The following RAD18 variants were observed in gnomAD, a reference collection of about 807,000 sequenced individuals.
RAD18 encodes E3 ubiquitin-protein ligase RAD18.
RAD18 carries 47 observed loss-of-function variants against 60.4 expected under a neutral mutation model. That is an observed-to-expected ratio of 0.78 (90% confidence interval 0.62 to 0.99). The LOEUF (loss-of-function observed/expected upper bound fraction) is 0.99. Ranked by LOEUF, RAD18 falls within the 50% of genes least tolerant of loss-of-function variation. The pLI, the probability that RAD18 is intolerant of heterozygous loss-of-function variation, is 0.00. For missense variants in RAD18, 640 were observed against 593.3 expected (o/e 1.08, Z -0.82); for synonymous variants, 225 against 195.5 (o/e 1.15, Z -1.26).
intron 12 of RAD18, among the ~76,000 whole-genome samples, chr3:8,889,210 A>T (rs1282793899): frequency 1.3e-5 from 2 of 152,220 alleles, no homozygotes; most frequent in East Asian, 3.9e-4. Flanking sequence ...GAAAGATAGT[A>T]GAGTTTAATG....
rs570335902 is a variant in RAD18, at chr3:8,926,433, TC to T, written c.889+9437del. On this transcript the variant is annotated intron_variant, in intron 7 of 12. Coordinates refer to ENST00000264926, the MANE Select transcript of RAD18 (RefSeq NM_020165.4). ...AGGATACAAACAAATGGAAGAACAT[TC>T]CATGCTTATGGGTAGGAAGAATCAA... Among the ~76,000 whole-genome samples the T allele has an allele frequency of 3.8e-3, 585 of 152,248 alleles. 5 individuals are homozygous for T. The highest frequency in any genetic ancestry group is 0.014 in the African/African-American group (567 of 41,524).
chr3:8,960,204 G>A (rs1390367961), intron 1 of RAD18, among the ~76,000 whole-genome samples: 1 of 152,188 alleles, frequency 6.6e-6, no homozygotes, highest in African/African-American at 2.4e-5. Flanking sequence ...CTACTCAGGA[G>A]GCTGAGGCGG....
At chr3:8,946,759 A>G (rs1410610098) in intron 4 of RAD18, among the ~76,000 whole-genome samples, 1 of 152,254 alleles carries the variant, frequency 6.6e-6, no homozygotes, top group African/African-American at 2.4e-5. Flanking sequence ...ATGTGTATAT[A>G]CATGAGTTAG....
chr3:8,948,830 T>C (rs568371435), intron 2 of RAD18, among the ~76,000 whole-genome samples: 1 of 152,166 alleles, frequency 6.6e-6, no homozygotes, highest in Non-Finnish European at 1.5e-5. Context: ...GTGTCCTCCA[T>C]CTGCAAAACA....
rs567248499 is a variant in RAD18 at position 8,915,606 on chromosome 3, C to G, written c.890-1886G>C. ...TTTCCTTTTTTTTTTTTTTTTGAGA[C>G]TGAGTCTCGCTCTGTCACCCAGGAC... On this transcript the variant is annotated intron_variant, in intron 7 of 12. Coordinates refer to ENST00000264926, the MANE Select transcript of RAD18 (RefSeq NM_020165.4). Among the ~76,000 whole-genome samples the G allele has an allele frequency of 6.3e-4, 90 of 143,740 alleles. 1 individual carries two copies. Among genetic ancestry groups the G allele is most frequent in the African/African-American group, 2.2e-3 (86 of 38,632 alleles). 94.3% of individuals were successfully genotyped at this position (143,740 alleles called of 152,430 possible).
intron 2 of RAD18, among the ~76,000 whole-genome samples, chr3:8,956,047 A>G (rs185862225): frequency 1.2e-3 from 187 of 152,374 alleles, no homozygotes; most frequent in Admixed American, 3.9e-3. Flanking sequence ...ACAATATACT[A>G]TAACAAAAGT....
chr3:8,959,643 C>T (rs1467770338), intron 1 of RAD18, among the ~76,000 whole-genome samples: 1 of 152,168 alleles, frequency 6.6e-6, no homozygotes, highest in Admixed American at 6.5e-5. Context: ...AAGTGGACAA[C>T]TTGGAAAGAG....
At chr3:8,933,199 A>G (rs1172727546) in intron 7 of RAD18, among the ~76,000 whole-genome samples, 1 of 152,206 alleles carries the variant, frequency 6.6e-6, no homozygotes, top group East Asian at 1.9e-4. Context: ...GACAGATACC[A>G]TATGTAAAAT....
At chr3:8,920,218 G>A (rs1182029738) in intron 7 of RAD18, among the ~76,000 whole-genome samples, 6 of 149,104 alleles carry the variant, frequency 4.0e-5, no homozygotes, top group Non-Finnish European at 8.9e-5. Flanking sequence ...GGCGGAGCTT[G>A]CAGTGAGCCG....
At chr3:8,897,922 A>G (rs866399175) in intron 11 of RAD18, among the ~76,000 whole-genome samples, 2 of 152,008 alleles carry the variant, frequency 1.3e-5, no homozygotes, top group Admixed American at 1.3e-4. Context: ...AAAAAAAAAA[A>G]TTAGCCAGGC....
chr3:8,930,399 C>G (rs1351030558), intron 7 of RAD18, among the ~76,000 whole-genome samples: 8 of 152,042 alleles, frequency 5.3e-5, no homozygotes, highest in African/African-American at 1.9e-4. Context: ...CTATCTAGGG[C>G]TGGAAGGGTT....
At chr3:8,925,151 A>G (rs1940409278) in intron 7 of RAD18, among the ~76,000 whole-genome samples, 1 of 152,056 alleles carries the variant, frequency 6.6e-6, no homozygotes, top group African/African-American at 2.4e-5. Flanking sequence ...CAAGAAAATT[A>G]ATAGACTGCT....
At chr3:8,887,019 C>A (rs751905062) in intron 12 of RAD18, among the ~76,000 whole-genome samples, 31 of 152,124 alleles carry the variant, frequency 2.0e-4, no homozygotes, top group Non-Finnish European at 4.4e-4. Flanking sequence ...CAGACCAAGG[C>A]AGAGAGACAG....
chr3:8,922,831 T>C (rs552513), intron 7 of RAD18, among the ~76,000 whole-genome samples: 105,174 of 152,036 alleles, frequency 0.69, 36,917 homozygotes, highest in Middle Eastern at 0.77. Flanking sequence ...TCTGGCAAAC[T>C]CCAACAGACC....
rs138284393 is a variant in RAD18 at position 8,932,190 on chromosome 3, T to C, written c.889+3681A>G. Among the ~76,000 whole-genome samples the C allele has an allele frequency of 3.4e-3, 513 of 152,122 alleles. 2 individuals carry two copies. Among genetic ancestry groups the C allele is most frequent in the Non-Finnish European group, 5.1e-3 (348 of 67,984 alleles). ...CATAAAAAAAGTAAATTAAATTTCG[T>C]CAAAATTAAAACTCTCTGCTCTTCA... is the stretch of plus-strand genomic sequence containing the variant. On this transcript the variant is annotated intron_variant, in intron 7 of 12. Transcript: ENST00000264926.
chr3:8,948,595 A>G, intron 2 of RAD18, 25 bp from the exon 3 acceptor site: 1 of 1,566,496 alleles, frequency 6.4e-7, no homozygotes, highest in Non-Finnish European at 8.8e-7. Context: ...GTGCAACATA[A>G]TGTTAATTAA....
intron 5 of RAD18, 43 bp from the exon 6 acceptor site, chr3:8,939,696 G>C (rs1332219968): frequency 2.0e-6 from 3 of 1,527,146 alleles, no homozygotes; most frequent in Non-Finnish European, 2.7e-6. Context: ...ATTAATTGTA[G>C]AAGGGGCAAA....
chr3:8,962,260 T>C (rs747985221), intron 1 of RAD18, among the ~76,000 whole-genome samples: 3 of 152,082 alleles, frequency 2.0e-5, no homozygotes, highest in Non-Finnish European at 4.4e-5. Context: ...AGACAGGAGA[T>C]TTCACCCAGG....
chr3:8,890,496 G>C, intron 11 of RAD18, 45 bp from the exon 12 acceptor site: 3 of 1,391,506 alleles, frequency 2.2e-6, no homozygotes, highest in Non-Finnish European at 2.0e-6. Context: ...CAAGAAGACT[G>C]TATCGTCCCA....
Sources: allele counts gnomAD v4.1 joint callset (sites outside exome capture counted in the v4.1 genomes callset), GRCh38; gene constraint gnomAD v4.1.1; transcripts MANE v1.5; gene names NCBI Gene and HGNC (gene_info 2026-07-23, HGNC 2026-07-21).